ADGRL3: variants seen among roughly 807,000 people sequenced by gnomAD.
ADGRL3 encodes the protein calcium-independent alpha-latrotoxin receptor 3.
ADGRL3 carries 62 observed loss-of-function variants against 153.5 expected under a neutral mutation model. The observed-to-expected ratio is 0.40, with a 90% CI of 0.33 to 0.50. ADGRL3 has a LOEUF of 0.50. Ranked by LOEUF, ADGRL3 falls within the 20% of genes least tolerant of loss-of-function variation. ADGRL3 has a pLI of 0.47. For synonymous variants in ADGRL3, 710 were observed against 672.5 expected (o/e 1.06, Z -0.86); for missense variants, 1,641 against 1,859.4 (o/e 0.88, Z 2.16).
intron 1 of ADGRL3, among the ~76,000 whole-genome samples, chr4:61,219,654 G>T (rs1403323126): frequency 6.6e-6 from 1 of 152,154 alleles, no homozygotes; most frequent in Non-Finnish European, 1.5e-5. Flanking sequence ...TTATGAAACA[G>T]TTCAGCTTTT....
chr4:61,731,808 T>C (rs2096447689), intron 7 of ADGRL3, among the ~76,000 whole-genome samples: 1 of 152,136 alleles, frequency 6.6e-6, no homozygotes, highest in Non-Finnish European at 1.5e-5. Flanking sequence ...TTGGGAAACA[T>C]TGCTTTATAG....
intron 10 of ADGRL3, among the ~76,000 whole-genome samples, chr4:61,893,656 C>T (rs2098605377): frequency 1.3e-5 from 2 of 149,640 alleles, no homozygotes; most frequent in South Asian, 2.1e-4. Flanking sequence ...CACCAGAGAA[C>T]AATCCTGCAT....
At chr4:62,043,928 C>T (rs982109039) in intron 24 of ADGRL3, among the ~76,000 whole-genome samples, 1 of 151,868 alleles carries the variant, frequency 6.6e-6, no homozygotes, top group Non-Finnish European at 1.5e-5. Flanking sequence ...CATTGATCTT[C>T]CTCTAAAAGT....
At chr4:61,367,353 C>T (rs2096419053) in intron 1 of ADGRL3, among the ~76,000 whole-genome samples, 2 of 151,940 alleles carry the variant, frequency 1.3e-5, no homozygotes, top group Non-Finnish European at 1.5e-5. Flanking sequence ...CATCATCTAG[C>T]ATTAGGTATA....
intron 1 of ADGRL3, among the ~76,000 whole-genome samples, chr4:61,361,077 C>T (rs904450669): frequency 6.6e-6 from 1 of 152,174 alleles, no homozygotes; most frequent in African/African-American, 2.4e-5. Context: ...ACCCTGTGCT[C>T]CTAGCCCCAG....
intron 1 of ADGRL3, among the ~76,000 whole-genome samples, chr4:61,285,853 C>T (rs1400320675): frequency 6.6e-6 from 1 of 151,794 alleles, no homozygotes; most frequent in African/African-American, 2.4e-5. Context: ...TTTTACTTGA[C>T]AGCTTTGACA....
intron 1 of ADGRL3, among the ~76,000 whole-genome samples, chr4:61,323,333 A>T (rs1302355867): frequency 2.0e-5 from 3 of 152,138 alleles, no homozygotes; most frequent in Admixed American, 2.0e-4. Flanking sequence ...TTGGTGATTA[A>T]CATTCGGCTC....
At chr4:62,057,591 G>T (rs1424469541) in intron 25 of ADGRL3, among the ~76,000 whole-genome samples, 1 of 152,086 alleles carries the variant, frequency 6.6e-6, no homozygotes, top group Non-Finnish European at 1.5e-5. Flanking sequence ...GTTTTGCTTT[G>T]TATCTCACTT....
chr4:61,747,152 A>C (rs2096674774), intron 8 of ADGRL3, among the ~76,000 whole-genome samples: 1 of 152,076 alleles, frequency 6.6e-6, no homozygotes, highest in Admixed American at 6.6e-5. Context: ...TCCAAGACTA[A>C]ACCAGGAAGA....
At chr4:61,411,210 C>T (rs1376571297) in intron 2 of ADGRL3, among the ~76,000 whole-genome samples, 4 of 151,996 alleles carry the variant, frequency 2.6e-5, no homozygotes, top group Non-Finnish European at 5.9e-5. Context: ...TCATATATTA[C>T]ATTCAGTGAT....
At chr4:61,646,286 G>A (rs1417370464) in intron 5 of ADGRL3, among the ~76,000 whole-genome samples, 1 of 152,140 alleles carries the variant, frequency 6.6e-6, no homozygotes, top group Non-Finnish European at 1.5e-5. Context: ...CTCTCAGCTC[G>A]TCAAAGTCAT....
intron 2 of ADGRL3, among the ~76,000 whole-genome samples, chr4:61,442,994 T>A (rs1238350468): frequency 6.6e-6 from 1 of 152,164 alleles, no homozygotes; most frequent in Non-Finnish European, 1.5e-5. Flanking sequence ...TTTAATATAA[T>A]GTATCTTGGA....
chr4:61,652,748 A>T (rs1340779520), intron 5 of ADGRL3, among the ~76,000 whole-genome samples: 1 of 152,202 alleles, frequency 6.6e-6, no homozygotes, highest in Non-Finnish European at 1.5e-5. Context: ...TCATAATTAT[A>T]ACCACTTTTT....
chr4:61,528,702 A>G (rs1306889673), intron 4 of ADGRL3, among the ~76,000 whole-genome samples: 3 of 152,154 alleles, frequency 2.0e-5, no homozygotes, highest in Admixed American at 2.0e-4. Flanking sequence ...GTAGGTTTAC[A>G]CAATTAGGAT....
At chr4:61,812,740 C>T (rs2097645501) in intron 8 of ADGRL3, among the ~76,000 whole-genome samples, 1 of 152,248 alleles carries the variant, frequency 6.6e-6, no homozygotes, top group Non-Finnish European at 1.5e-5. Context: ...TTTAAGCTAA[C>T]AATTTTTCAA....
At position 61,518,759 on chromosome 4, in the gene ADGRL3, G is replaced by GC. The variant is rs1227544164; in HGVS notation, c.259+1242dup. Reference sequence around the variant, plus strand: ...GCAGCAAAGTGGTGGGCGAGGCCATGCAATACCATAGAAGCCTGTAGAATG... The same window carrying GC: ...GCAGCAAAGTGGTGGGCGAGGCCATGCCAATACCATAGAAGCCTGTAGAATG... On this transcript the variant is annotated intron_variant, in intron 4 of 26. Coordinates refer to ENST00000683033, the MANE Select transcript of ADGRL3 (RefSeq NM_001387552.1). Among the ~76,000 whole-genome samples, 20 of 152,278 alleles carry GC rather than the reference G, an allele frequency of 1.3e-4. No homozygotes were observed. In the East Asian group the frequency reaches 2.3e-3, roughly 18 times the overall value.
intron 8 of ADGRL3, among the ~76,000 whole-genome samples, chr4:61,762,966 C>T (rs2096930455): frequency 6.6e-6 from 1 of 152,054 alleles, no homozygotes; most frequent in Non-Finnish European, 1.5e-5. Flanking sequence ...AGTTTTGGTG[C>T]TACTCTTTTC....
At chr4:61,623,622 G>T (rs1434623777) in intron 5 of ADGRL3, among the ~76,000 whole-genome samples, 1 of 152,008 alleles carries the variant, frequency 6.6e-6, no homozygotes, top group African/African-American at 2.4e-5. Context: ...CCAGTAACTG[G>T]TAGGCAATTT....
intron 8 of ADGRL3, among the ~76,000 whole-genome samples, chr4:61,809,301 A>G (rs1328382822): frequency 6.6e-6 from 1 of 152,166 alleles, no homozygotes; most frequent in Non-Finnish European, 1.5e-5. Context: ...TTCATGGTTT[A>G]TTGATATCTT....
Sources: allele counts gnomAD v4.1 joint callset (sites outside exome capture counted in the v4.1 genomes callset), GRCh38; gene constraint gnomAD v4.1.1; transcripts MANE v1.5; gene names NCBI Gene and HGNC (gene_info 2026-07-23, HGNC 2026-07-21).